The following VSTM4 variants were observed in gnomAD, a reference collection of about 807,000 sequenced individuals.
The protein encoded by VSTM4 is V-set and transmembrane domain-containing protein 4.
VSTM4 carries 20 observed loss-of-function variants against 36.4 expected under a neutral mutation model. The observed-to-expected ratio is 0.55, with a 90% CI of 0.39 to 0.80. VSTM4 has a LOEUF of 0.80. Ranked by LOEUF, VSTM4 falls within the 30% of genes least tolerant of loss-of-function variation. The pLI, the probability that VSTM4 is intolerant of heterozygous loss-of-function variation, is 0.00. For missense variants in VSTM4, 392 were observed against 404.5 expected (o/e 0.97, Z 0.26); for synonymous variants, 182 against 173.9 (o/e 1.05, Z -0.37).
At chr10:49,085,075 T>G (rs1844346403) in intron 3 of VSTM4, among the ~76,000 whole-genome samples, 1 of 152,256 alleles carries the variant, frequency 6.6e-6, no homozygotes, top group Non-Finnish European at 1.5e-5. Context: ...CAAACCTGAA[T>G]GTGCATCAGA....
In VSTM4 at chr10:49,017,153, C is replaced by G. The variant is rs1436797996; in HGVS notation, c.*2497G>C. The G allele has an allele frequency of 6.6e-6, 1 of 152,196 alleles. No homozygotes were observed. Among genetic ancestry groups the G allele is most frequent in the African/African-American group, 2.4e-5 (1 of 41,454 alleles). The allele number at this position is 152,196 out of a possible 1,614,324, so 9.4% of individuals were successfully genotyped here. ...CCCCTTATCTTTGGAAATGACAATG[C>G]ATGATTAGTGGTCCATGGACAAAGA... On this transcript the variant is annotated 3_prime_UTR_variant, in exon 8 of 8. Coordinates refer to ENST00000332853, the MANE Select transcript of VSTM4 (RefSeq NM_001031746.5).
chr10:49,068,836 C>T (rs765891877), intron 4 of VSTM4, among the ~76,000 whole-genome samples: 3 of 152,126 alleles, frequency 2.0e-5, no homozygotes, highest in Non-Finnish European at 4.4e-5. Context: ...CAATACACCC[C>T]GTGGGCTGTG....
In VSTM4 at chr10:49,048,558, G is replaced by A. The variant is rs773975804; in HGVS notation, c.695C>T (p.Thr232Ile). Residue 232 changes from threonine to isoleucine, a missense_variant, in exon 6 of 8, where the codon ACC becomes ATC. Transcript: ENST00000332853. The part of the protein sequence containing the change: ...NSSGETVTSV[T>I]SLAPLQPKKG... ...CTTGGGCTGTAGTGGGGCCAAGCTG[G>A]TCACGCTAGTGACAGTCTCCCCTGA... The A allele has an allele frequency of 3.8e-6, 6 of 1,595,508 alleles. No individual in the cohort carries two copies. The highest frequency in any genetic ancestry group is 3.4e-6 in the Non-Finnish European group (4 of 1,173,734).
chr10:49,075,715 GC>G (rs1844164577), intron 4 of VSTM4, among the ~76,000 whole-genome samples: 1 of 152,230 alleles, frequency 6.6e-6, no homozygotes, highest in African/African-American at 2.4e-5. Context: ...TACAGCCTCT[GC>G]CCCATTGCCG....
chr10:49,053,377 C>T (rs1486723478), intron 5 of VSTM4, among the ~76,000 whole-genome samples: 1 of 152,212 alleles, frequency 6.6e-6, no homozygotes, highest in Non-Finnish European at 1.5e-5. Context: ...CCATGACACA[C>T]AGCGGCTGGA....
chr10:49,098,004 G>A (rs1024450514), intron 2 of VSTM4, among the ~76,000 whole-genome samples: 1 of 152,304 alleles, frequency 6.6e-6, no homozygotes, highest in Admixed American at 6.5e-5. Flanking sequence ...TGCCTGCCAG[G>A]TATGAAACAA....
chr10:49,086,053 T>A (rs750930077), intron 2 of VSTM4, 30 bp from the exon 3 acceptor site: 41 of 1,480,704 alleles, frequency 2.8e-5, no homozygotes, highest in Non-Finnish European at 3.7e-5. Flanking sequence ...CAGCACAGTA[T>A]GAAAAAATAA....
At chr10:49,094,045 C>T (rs923264886) in intron 2 of VSTM4, among the ~76,000 whole-genome samples, 2 of 152,182 alleles carry the variant, frequency 1.3e-5, no homozygotes, top group African/African-American at 4.8e-5. Flanking sequence ...CGGTGCCCGG[C>T]CGTCATAGTT....
At chr10:49,104,825 A>T (rs1844736107) in intron 2 of VSTM4, among the ~76,000 whole-genome samples, 1 of 147,516 alleles carries the variant, frequency 6.8e-6, no homozygotes, top group South Asian at 2.1e-4. Flanking sequence ...AGAGGGAGAG[A>T]GACACAGAGA....
intron 3 of VSTM4, among the ~76,000 whole-genome samples, chr10:49,081,832 A>G (rs1844284233): frequency 6.6e-6 from 1 of 152,158 alleles, no homozygotes; most frequent in African/African-American, 2.4e-5. Flanking sequence ...TCTTGAAGCT[A>G]CAGATCTGTA....
intron 2 of VSTM4, among the ~76,000 whole-genome samples, chr10:49,100,604 T>C (rs1021803143): frequency 4.6e-5 from 7 of 151,316 alleles, no homozygotes; most frequent in Admixed American, 1.3e-4. Context: ...CCTGACTACA[T>C]GAAGGAATAC....
intron 3 of VSTM4, among the ~76,000 whole-genome samples, chr10:49,085,014 A>C (rs34878380): frequency 0.27 from 41,773 of 152,204 alleles, 5,910 homozygotes; most frequent in Admixed American, 0.35. Context: ...TGGCAACTGT[A>C]CCCTGGAGTA....
At chr10:49,096,478 C>T (rs963685162) in intron 2 of VSTM4, among the ~76,000 whole-genome samples, 6 of 152,192 alleles carry the variant, frequency 3.9e-5, no homozygotes, top group Non-Finnish European at 7.3e-5. Flanking sequence ...GGAGACATCC[C>T]TTGCAAATTG....
At chr10:49,057,646 C>G (rs750903207) in intron 5 of VSTM4, among the ~76,000 whole-genome samples, 1 of 152,170 alleles carries the variant, frequency 6.6e-6, no homozygotes, top group African/African-American at 2.4e-5. Context: ...GGAAGAAGGA[C>G]ACTGGGCCTG....
intron 1 of VSTM4, among the ~76,000 whole-genome samples, chr10:49,108,863 C>A (rs538700037): frequency 2.4e-4 from 36 of 152,104 alleles, no homozygotes; most frequent in African/African-American, 8.2e-4. Context: ...ACTCCACCAC[C>A]CAGACCAGTA....
chr10:49,068,879 C>T (rs146004879), intron 4 of VSTM4, among the ~76,000 whole-genome samples: 200 of 152,266 alleles, frequency 1.3e-3, no homozygotes, highest in African/African-American at 4.3e-3. Context: ...TAGAAGCAAC[C>T]GTCCTGCACA....
At chr10:49,101,436 A>G (rs998062370) in intron 2 of VSTM4, among the ~76,000 whole-genome samples, 2 of 152,218 alleles carry the variant, frequency 1.3e-5, no homozygotes, top group Non-Finnish European at 2.9e-5. Context: ...CAGGAAATTC[A>G]CAGAATAAAT....
chr10:49,037,216 G>A (rs1210759090), intron 7 of VSTM4, among the ~76,000 whole-genome samples: 1 of 152,248 alleles, frequency 6.6e-6, no homozygotes, highest in African/African-American at 2.4e-5. Context: ...CCTCTCTGGA[G>A]GTGGGTGGCA....
chr10:49,091,850 A>G (rs918755052), intron 2 of VSTM4, among the ~76,000 whole-genome samples: 5 of 152,236 alleles, frequency 3.3e-5, no homozygotes, highest in Admixed American at 3.3e-4. Context: ...AGAATCTTAC[A>G]ATTAACAAAG....
Sources: gnomAD v4.1 joint callset for allele counts (sites outside exome capture counted in the v4.1 genomes callset) on GRCh38, gnomAD v4.1.1 for gene constraint, MANE v1.5 for transcripts, NCBI Gene and HGNC (gene_info 2026-07-23, HGNC 2026-07-21) for gene names.